IQCH: variants seen among roughly 807,000 people sequenced by gnomAD.
IQCH encodes IQ motif containing H, also known as IQ domain-containing protein H.
Under a neutral mutation model 117.0 loss-of-function variants are expected in IQCH, and 98 were observed. That is an observed-to-expected ratio of 0.84 (90% CI 0.71 to 0.99). The LOEUF (loss-of-function observed/expected upper bound fraction) is 0.99, where lower values mean the gene tolerates loss of function less well. Among genes scored for constraint, IQCH ranks in the 50% least tolerant of loss-of-function variants. The pLI is 0.00. For missense variants in IQCH, 1,102 were observed against 1,243.8 expected, an observed-to-expected ratio of 0.89 and a Z score of 1.72; for synonymous variants, 412 against 448.2, an observed-to-expected ratio of 0.92 and a Z score of 1.02.
At chr15:67,455,029 A>G (rs1451679310) in intron 16 of IQCH, among the ~76,000 whole-genome samples, 1 of 152,238 alleles carries the variant, frequency 6.6e-6, no homozygotes, top group African/African-American at 2.4e-5. Context: ...CTAGCAGTAT[A>G]TAAGGGTCCC....
chr15:67,256,469 A>C (rs1242146267), intron 1 of IQCH, among the ~76,000 whole-genome samples: 1 of 152,190 alleles, frequency 6.6e-6, no homozygotes. Flanking sequence ...AGCGTGGATC[A>C]AAACACCCAT....
chr15:67,344,218 G>A (rs184694281), intron 6 of IQCH, 27 bp downstream of exon 6: 2 of 1,606,364 alleles, frequency 1.2e-6, no homozygotes, highest in Non-Finnish European at 1.7e-6. Context: ...TCTCAGTTCA[G>A]TTGGGGACAC....
chr15:67,335,025 G>A (rs940607028), intron 4 of IQCH, among the ~76,000 whole-genome samples: 7 of 152,100 alleles, frequency 4.6e-5, no homozygotes, highest in East Asian at 1.9e-4. Flanking sequence ...TTCTGTCAAC[G>A]AAAACACCAC....
chr15:67,303,663 C>T (rs1424268272), intron 4 of IQCH, among the ~76,000 whole-genome samples: 1 of 152,074 alleles, frequency 6.6e-6, no homozygotes, highest in African/African-American at 2.4e-5. Flanking sequence ...AGAGCTGGCA[C>T]CTAGGTGTCC....
intron 4 of IQCH, among the ~76,000 whole-genome samples, chr15:67,319,723 C>T (rs947195076): frequency 6.6e-5 from 10 of 152,126 alleles, no homozygotes; most frequent in Admixed American, 5.9e-4. Context: ...ATACTCAGAG[C>T]ATATTAGAGA....
chr15:67,494,423 C>T lies in IQCH; in HGVS notation c.2970+57C>T. ...AATTTCTATACAAGGGCTGAAAATA[C>T]CTCATGCTGTATTGTAAACAAGTGC... On this transcript the variant is annotated intron_variant, in intron 20 of 20. Transcript: ENST00000335894. This position sits in a 1 kb window ranked among gnomAD's most constrained non-coding sequence, Gnocchi z 5.5. The T allele has an allele frequency of 8.6e-7, 1 of 1,165,766 alleles. No individual in the cohort carries two copies. 72.2% of individuals were successfully genotyped at this position (1,165,766 alleles called of 1,614,324 possible). A position where few individuals can be genotyped will look rare whatever the true frequency, so the allele number is the denominator to read the frequency against.
At chr15:67,450,056 G>T (rs956247252) in intron 16 of IQCH, among the ~76,000 whole-genome samples, 1 of 152,148 alleles carries the variant, frequency 6.6e-6, no homozygotes, top group African/African-American at 2.4e-5. Flanking sequence ...GAATGCTTCT[G>T]ATTTTTGCAC....
chr15:67,258,655 T>C (rs1258164938), intron 1 of IQCH, among the ~76,000 whole-genome samples: 1 of 152,246 alleles, frequency 6.6e-6, no homozygotes, highest in Non-Finnish European at 1.5e-5. Context: ...TCTGGTTTCA[T>C]GGCTCTTGTA....
chr15:67,362,642 G>A (rs751698970), intron 8 of IQCH, among the ~76,000 whole-genome samples: 5 of 152,184 alleles, frequency 3.3e-5, no homozygotes, highest in African/African-American at 1.2e-4. Flanking sequence ...GATCAAATCA[G>A]TGTTTTTAAG....
In IQCH at chr15:67,387,083, T is replaced by C. The variant is rs1476307579; in HGVS notation, c.1457-1748T>C. 6.6e-6 allele frequency among the ~76,000 whole-genome samples: 1 copy of C among 152,232 alleles called. No homozygotes were observed. Among genetic ancestry groups the C allele is most frequent in the Non-Finnish European group, 1.5e-5 (1 of 68,038 alleles). On this transcript the variant is annotated intron_variant, in intron 11 of 20. Coordinates refer to ENST00000335894, the MANE Select transcript of IQCH (RefSeq NM_001031715.3). The surrounding 1 kb of genome is among the most constrained non-coding windows in gnomAD (Gnocchi z 4.8). Reference sequence around the variant, plus strand: ...TTAGTTTGATTTTTAAAACCTCTACTGTAATTTGGTTAGACGCTAGTCTCT... The same window carrying C: ...TTAGTTTGATTTTTAAAACCTCTACCGTAATTTGGTTAGACGCTAGTCTCT...
rs570383463 is a variant in IQCH, at chr15:67,475,612, G to T, written c.2677-84G>T. On this transcript the variant is annotated intron_variant, in intron 17 of 20. Transcript: ENST00000335894. The surrounding 1 kb of genome is among the most constrained non-coding windows in gnomAD (Gnocchi z 5.7). Reference sequence around the variant, plus strand: ...TATAGGAACTCTCAGAATTATCTTCGCAATTTTCCTGTTAATCTCAAGTAT... The same window carrying T: ...TATAGGAACTCTCAGAATTATCTTCTCAATTTTCCTGTTAATCTCAAGTAT... 8.0e-7 allele frequency: 1 copy of T among 1,252,716 alleles called. No homozygotes were observed. The highest frequency in any genetic ancestry group is 1.4e-5 in the South Asian group (1 of 71,952). 77.6% of individuals were successfully genotyped at this position (1,252,716 alleles called of 1,614,324 possible).
In IQCH at chr15:67,427,924, G is replaced by A. The variant is rs992990763; in HGVS notation, c.2505+6347G>A. On this transcript the variant is annotated intron_variant, in intron 16 of 20. Coordinates refer to ENST00000335894, the MANE Select transcript of IQCH (RefSeq NM_001031715.3). This position sits in a 1 kb window ranked among gnomAD's most constrained non-coding sequence, Gnocchi z 4.7. ...CTTCACTGTAATCTTTGCCTCCCAG[G>A]CTCAAGTGATTCTTGTGCCTTAGCC... Among the ~76,000 whole-genome samples the A allele has an allele frequency of 2.0e-5, 3 of 151,680 alleles. No homozygotes were observed. The highest frequency in any genetic ancestry group is 7.3e-5 in the African/African-American group (3 of 41,214).
intron 6 of IQCH, among the ~76,000 whole-genome samples, chr15:67,346,154 G>A (rs1313649700): frequency 6.6e-6 from 1 of 151,962 alleles, no homozygotes; most frequent in Non-Finnish European, 1.5e-5. Context: ...GAATAAAGAG[G>A]CACATTAATG....
intron 4 of IQCH, among the ~76,000 whole-genome samples, chr15:67,300,350 A>G (rs1966963615): frequency 6.6e-6 from 1 of 152,252 alleles, no homozygotes; most frequent in South Asian, 2.1e-4. Flanking sequence ...TACATTAGTC[A>G]TTTGAACTTC....
At chr15:67,353,541 G>A (rs1043287664) in intron 6 of IQCH, among the ~76,000 whole-genome samples, 4 of 151,924 alleles carry the variant, frequency 2.6e-5, no homozygotes, top group Non-Finnish European at 5.9e-5. Context: ...TTGTATTTTA[G>A]TAGAGAGAGG....
intron 3 of IQCH, among the ~76,000 whole-genome samples, chr15:67,276,490 A>G (rs1966129808): frequency 6.6e-6 from 1 of 152,188 alleles, no homozygotes; most frequent in Non-Finnish European, 1.5e-5. Context: ...CTTCCCTCCA[A>G]AGAATTTCCT....
At chr15:67,446,743 G>A (rs1465884757) in intron 16 of IQCH, among the ~76,000 whole-genome samples, 1 of 152,114 alleles carries the variant, frequency 6.6e-6, no homozygotes, top group African/African-American at 2.4e-5. Flanking sequence ...GATCACAGGT[G>A]GGAACCTTGC....
rs1281329202 is a variant in IQCH at position 67,417,911 on chromosome 15, AATGTC to A, written c.2218+867_2218+871del. On this transcript the variant is annotated intron_variant, in intron 15 of 20. Coordinates refer to ENST00000335894, the MANE Select transcript of IQCH (RefSeq NM_001031715.3). The surrounding 1 kb of genome is among the most constrained non-coding windows in gnomAD (Gnocchi z 4.3). ...CAGCAATAATCAATAATGATAAGAT[AATGTC>A]ATGTCAGATGATAACAGCAGCAGCA... Among the ~76,000 whole-genome samples, 1 of 152,224 alleles carries A rather than the reference AATGTC, an allele frequency of 6.6e-6. No homozygotes were observed. The highest frequency in any genetic ancestry group is 2.4e-5 in the African/African-American group (1 of 41,462).
At chr15:67,260,336 A>G (rs1466052631) in intron 1 of IQCH, among the ~76,000 whole-genome samples, 1 of 152,244 alleles carries the variant, frequency 6.6e-6, no homozygotes, top group Non-Finnish European at 1.5e-5. Context: ...GAAATCCATC[A>G]TTTCCAAGGA....
Sources: gnomAD v4.1 joint callset for allele counts (sites outside exome capture counted in the v4.1 genomes callset) on GRCh38, gnomAD v4.1.1 for gene constraint, Gnocchi (gnomAD v3.1) non-coding constraint, MANE v1.5 for transcripts, NCBI Gene and HGNC (gene_info 2026-07-23, HGNC 2026-07-21) for gene names.